Variants in ATP2B4 observed in about 807,000 individuals in gnomAD.
The protein encoded by ATP2B4 is ATPase plasma membrane Ca2+ transporting 4, also known as plasma membrane calcium-transporting ATPase 4.
In ATP2B4, 39 loss-of-function variants were observed where a neutral mutation model predicts 110.3. That is an observed-to-expected ratio of 0.35 (90% CI 0.27 to 0.46). The LOEUF (loss-of-function observed/expected upper bound fraction) is 0.46. Among genes scored for constraint, ATP2B4 ranks in the 20% least tolerant of loss-of-function variants. ATP2B4 has a pLI of 1.00. For missense variants in ATP2B4, 1,135 were observed against 1,530.9 expected, an observed-to-expected ratio of 0.74 and a Z score of 4.32; for synonymous variants, 538 against 571.7, an observed-to-expected ratio of 0.94 and a Z score of 0.84.
chr1:203,683,940 T>C (rs1316998298), intron 2 of ATP2B4, among the ~76,000 whole-genome samples: 1 of 152,160 alleles, frequency 6.6e-6, no homozygotes, highest in Non-Finnish European at 1.5e-5. Context: ...CCTCCCAAAG[T>C]GTTGGGATTA....
Position 203,727,676 on chromosome 1 carries a change from A to G in ATP2B4, c.3309+105A>G. The G allele has an allele frequency of 3.6e-6, 5 of 1,399,000 alleles. No individual in the cohort carries two copies. The South Asian group carries it at 6.6e-5, about 18-fold the overall frequency. The allele number at this position is 1,399,000 out of a possible 1,614,324, so 86.7% of individuals were successfully genotyped here. On this transcript the variant is annotated intron_variant, in intron 20 of 20. Transcript: ENST00000357681. Reference sequence around the variant, plus strand: ...GTCGGCCAGCATCTCTTCCCTTCCAAAGGCTCACTACTGATGGGCAGCCCT... The same window carrying G: ...GTCGGCCAGCATCTCTTCCCTTCCAGAGGCTCACTACTGATGGGCAGCCCT...
intron 1 of ATP2B4, among the ~76,000 whole-genome samples, chr1:203,679,517 G>C (rs551853083): frequency 6.6e-6 from 1 of 152,052 alleles, no homozygotes; most frequent in African/African-American, 2.4e-5. Context: ...AATCTTATGC[G>C]ACCTTTTCCA....
intron 1 of ATP2B4, among the ~76,000 whole-genome samples, chr1:203,650,547 C>T (rs1014680378): frequency 2.6e-5 from 4 of 152,062 alleles, no homozygotes; most frequent in Non-Finnish European, 5.9e-5. Flanking sequence ...CCAGCTGCTT[C>T]CCGGGCCGCG....
intron 1 of ATP2B4, among the ~76,000 whole-genome samples, chr1:203,662,801 G>T (rs1384674606): frequency 6.6e-6 from 1 of 152,292 alleles, no homozygotes; most frequent in East Asian, 1.9e-4. Flanking sequence ...CTTGTAGCAG[G>T]AAACTGAGGA....
intron 1 of ATP2B4, among the ~76,000 whole-genome samples, chr1:203,628,790 G>C (rs1249548035): frequency 6.6e-6 from 1 of 152,160 alleles, no homozygotes; most frequent in East Asian, 1.9e-4. Flanking sequence ...GTGACGAGGG[G>C]CTGGGCCAGG....
intron 1 of ATP2B4, among the ~76,000 whole-genome samples, chr1:203,631,236 C>T (rs1663255906): frequency 6.6e-6 from 1 of 152,236 alleles, no homozygotes; most frequent in South Asian, 2.1e-4. Flanking sequence ...AACATAGGTG[C>T]CAAGGGGCAG....
intron 13 of ATP2B4, among the ~76,000 whole-genome samples, chr1:203,712,865 C>T (rs940789560): frequency 1.3e-5 from 2 of 152,104 alleles, no homozygotes; most frequent in Non-Finnish European, 2.9e-5. Flanking sequence ...ACTTTACCCA[C>T]CCGAGCCAAC....
At chr1:203,704,331 G>C (rs1002875401) in intron 8 of ATP2B4, among the ~76,000 whole-genome samples, 4 of 152,146 alleles carry the variant, frequency 2.6e-5, no homozygotes, top group South Asian at 2.1e-4. Context: ...CTCTGCATAT[G>C]AGGAAGTGGC....
rs575136351 is a variant in ATP2B4 at position 203,735,634 on chromosome 1, G to A, written c.3310-3912G>A. On this transcript the variant is annotated intron_variant, in intron 20 of 20. Coordinates refer to ENST00000357681, the MANE Select transcript of ATP2B4 (RefSeq NM_001684.5). ...CAAAGTGTTCTGATGTGAGGAATGGGGGTGGAACTTGATAGAGATACATAC... is the reference window on the plus strand; with the variant it reads ...CAAAGTGTTCTGATGTGAGGAATGGAGGTGGAACTTGATAGAGATACATAC... Among the ~76,000 whole-genome samples the A allele has an allele frequency of 2.6e-5, 4 of 152,186 alleles. No homozygotes were observed. In the South Asian group the frequency reaches 6.2e-4, roughly 24 times the overall value.
chr1:203,723,848 C>T, intron 18 of ATP2B4, 33 bp from the exon 19 acceptor site: 1 of 1,544,216 alleles, frequency 6.5e-7, no homozygotes. Flanking sequence ...TAGTCATTTC[C>T]TTGATGGTGG....
intron 1 of ATP2B4, among the ~76,000 whole-genome samples, chr1:203,647,795 A>G (rs1412343764): frequency 6.6e-6 from 1 of 152,104 alleles, no homozygotes; most frequent in Non-Finnish European, 1.5e-5. Context: ...ATTAGGAAAA[A>G]AAAAAGTGCT....
chr1:203,740,441 C>CTTTTT lies in ATP2B4; in HGVS notation c.*601_*605dup, dbSNP rs59967661. ...TTGTCTTTTGTCTTCCCTTCCTTTC[C>CTTTTT]TTTTTTTTTTTTTTTTTTATGATGA... On this transcript the variant is annotated 3_prime_UTR_variant, in exon 21 of 21. Transcript: ENST00000357681. The CTTTTT allele has an allele frequency of 1.5e-5, 2 of 133,964 alleles. No individual in the cohort carries two copies. Among genetic ancestry groups the CTTTTT allele is most frequent in the Non-Finnish European group, 1.6e-5 (1 of 62,512 alleles). 8.3% of individuals were successfully genotyped at this position (133,964 alleles called of 1,614,324 possible). A position where few individuals can be genotyped will look rare whatever the true frequency, so the allele number is the denominator to read the frequency against.
chr1:203,727,238 T>C (rs1571771178), intron 19 of ATP2B4, among the ~76,000 whole-genome samples, 157 bp from the exon 20 acceptor site: 1 of 152,216 alleles, frequency 6.6e-6, no homozygotes, highest in Admixed American at 6.5e-5. Flanking sequence ...TGGAGAATGC[T>C]TGCCTGGATG....
intron 1 of ATP2B4, among the ~76,000 whole-genome samples, chr1:203,639,725 G>A (rs889593330): frequency 1.2e-4 from 18 of 152,194 alleles, no homozygotes; most frequent in African/African-American, 4.1e-4. Flanking sequence ...GGTTTATTCA[G>A]CCGCTCGGTT....
chr1:203,677,108 A>G (rs1407795153), intron 1 of ATP2B4, among the ~76,000 whole-genome samples: 1 of 152,006 alleles, frequency 6.6e-6, no homozygotes, highest in African/African-American at 2.4e-5. Flanking sequence ...CTCTGAATCT[A>G]TATTTCCCTG....
intron 1 of ATP2B4, among the ~76,000 whole-genome samples, chr1:203,666,560 G>A (rs1664509887): frequency 6.6e-6 from 1 of 152,074 alleles, no homozygotes. Context: ...GTTTTGTTGG[G>A]TGGACATTTA....
chr1:203,654,039 A>C (rs1285057311), intron 1 of ATP2B4, among the ~76,000 whole-genome samples: 1 of 139,710 alleles, frequency 7.2e-6, no homozygotes, highest in African/African-American at 2.7e-5. Flanking sequence ...GCTGGAGTGC[A>C]ATTGTGCGAT....
chr1:203,638,333 G>A (rs1663522051), intron 1 of ATP2B4, among the ~76,000 whole-genome samples: 1 of 152,194 alleles, frequency 6.6e-6, no homozygotes, highest in African/African-American at 2.4e-5. Context: ...CTGCTTTCCT[G>A]GCACTTATGG....
In ATP2B4 at chr1:203,711,961, T is replaced by C. The variant is rs991412153; in HGVS notation, c.2033T>C (p.Val678Ala). 6.2e-7 allele frequency: 1 copy of C among 1,614,038 alleles called. No individual in the cohort carries two copies. The change falls in exon 13 of 21, where the codon GTG becomes GCG. Residue 678 changes from valine to alanine, a missense_variant and splice_region_variant. Val to Ala is a moderately conservative substitution (Grantham distance 64, BLOSUM62 0). Around this residue, in one of 9 missense-constraint regions of ATP2B4, gnomAD observed 368 missense variants for 455.9 expected, o/e 0.81. Transcript: ENST00000357681. Reference sequence around the variant, plus strand: ...TTCCCCTTTCTTCACTCTCCATAGGTGCCAGATGCTATTGCCAAATGCAAA... The same window carrying C: ...TTCCCCTTTCTTCACTCTCCATAGGCGCCAGATGCTATTGCCAAATGCAAA... The part of the protein sequence containing the change: ...VGIEDPVRPE[V>A]PDAIAKCKQA...
Sources: gnomAD v4.1 joint callset for allele counts (sites outside exome capture counted in the v4.1 genomes callset) on GRCh38, gnomAD v4.1.1 for gene constraint, gnomAD v4.1.1 regional missense constraint, MANE v1.5 for transcripts, NCBI Gene and HGNC (gene_info 2026-07-23, HGNC 2026-07-21) for gene names.